Variants in ATP9B observed in about 807,000 individuals in gnomAD.
ATP9B encodes the protein probable phospholipid-transporting ATPase IIB.
Under a neutral mutation model 146.1 loss-of-function variants are expected in ATP9B, and 110 were observed. The observed-to-expected ratio is 0.75, with a 90% CI of 0.65 to 0.88. ATP9B has a LOEUF of 0.88. Among genes scored for constraint, ATP9B ranks in the 40% least tolerant of loss-of-function variants. The pLI is 0.00. For synonymous variants in ATP9B, 604 were observed against 569.7 expected, an observed-to-expected ratio of 1.06 and a Z score of -0.86; for missense variants, 1,499 against 1,496.4, an observed-to-expected ratio of 1.00 and a Z score of -0.03.
intron 11 of ATP9B, among the ~76,000 whole-genome samples, chr18:79,248,717 AAAT>A (rs2095993444): frequency 6.6e-6 from 1 of 152,250 alleles, no homozygotes; most frequent in Non-Finnish European, 1.5e-5. Flanking sequence ...GGACAAACTA[AAAT>A]AATTTAGTTT....
intron 11 of ATP9B, among the ~76,000 whole-genome samples, chr18:79,225,597 G>T (rs530164080): frequency 6.6e-6 from 1 of 152,046 alleles, no homozygotes; most frequent in South Asian, 2.1e-4. Context: ...GGGTCCCGCA[G>T]TCGCAGGGCG....
chr18:79,213,247 T>C (rs1568418161), intron 10 of ATP9B, among the ~76,000 whole-genome samples: 1 of 152,148 alleles, frequency 6.6e-6, no homozygotes, highest in Non-Finnish European at 1.5e-5. Flanking sequence ...ATAAATTATA[T>C]ATGGCTGTAG....
chr18:79,134,298 T>TA (rs956480705), intron 5 of ATP9B, among the ~76,000 whole-genome samples: 1 of 152,206 alleles, frequency 6.6e-6, no homozygotes, highest in Non-Finnish European at 1.5e-5. Context: ...AAGATTATCT[T>TA]AGAGAGTTCT....
intron 4 of ATP9B, among the ~76,000 whole-genome samples, chr18:79,124,745 G>A (rs982662739): frequency 6.6e-6 from 1 of 152,156 alleles, no homozygotes; most frequent in Admixed American, 6.5e-5. Flanking sequence ...TATTTCATTG[G>A]GAGAGCTGGG....
At chr18:79,216,368 G>A (rs917773546) in intron 11 of ATP9B, among the ~76,000 whole-genome samples, 3 of 152,146 alleles carry the variant, frequency 2.0e-5, no homozygotes, top group South Asian at 2.1e-4. Context: ...GTGCACACTC[G>A]TGTGTCCCTC....
At chr18:79,260,955 C>T (rs1039244969) in intron 12 of ATP9B, among the ~76,000 whole-genome samples, 1 of 152,144 alleles carries the variant, frequency 6.6e-6, no homozygotes, top group Non-Finnish European at 1.5e-5. Context: ...ATCCTTGTCC[C>T]ACCACTGTAT....
At chr18:79,133,374 C>T (rs1365952041) in intron 5 of ATP9B, among the ~76,000 whole-genome samples, 1 of 152,140 alleles carries the variant, frequency 6.6e-6, no homozygotes, top group Non-Finnish European at 1.5e-5. Flanking sequence ...ACCACAGTTA[C>T]TTTTGCACCA....
chr18:79,256,592 C>G (rs2096083557), intron 12 of ATP9B, among the ~76,000 whole-genome samples: 1 of 150,426 alleles, frequency 6.6e-6, no homozygotes, highest in Admixed American at 6.6e-5. Flanking sequence ...TTGTGGTTTC[C>G]TTAGAAATTT....
intron 13 of ATP9B, among the ~76,000 whole-genome samples, chr18:79,281,147 A>G (rs1357873665): frequency 2.0e-5 from 3 of 152,222 alleles, no homozygotes; most frequent in Non-Finnish European, 4.4e-5. Context: ...GTCCTGTCAG[A>G]CTTTTGAAAA....
intron 10 of ATP9B, among the ~76,000 whole-genome samples, chr18:79,211,205 T>C (rs1480562080): frequency 1.3e-5 from 2 of 152,234 alleles, no homozygotes; most frequent in African/African-American, 4.8e-5. Flanking sequence ...GAGTATATTT[T>C]TCTACAAAAT....
rs143156637 is a variant in ATP9B at position 79,291,145 on chromosome 18, C to T, written c.1412-12459C>T. Among the ~76,000 whole-genome samples the T allele has an allele frequency of 1.5e-4, 23 of 152,170 alleles. No homozygotes were observed. The South Asian group carries it at 1.7e-3, about 11-fold the overall frequency. ...CTTTGTTCATTATAGTCCCAAAAAA[C>T]TCTTTTTCATTAAAGAGCTGCAGCT... is the stretch of plus-strand genomic sequence containing the variant. On this transcript the variant is annotated intron_variant, in intron 13 of 29. Coordinates refer to ENST00000426216, the MANE Select transcript of ATP9B (RefSeq NM_198531.5).
rs2097108735 is a variant in ATP9B at position 79,377,433 on chromosome 18, A to G, written c.*50A>G. 1 of 1,592,062 alleles carries G rather than the reference A, an allele frequency of 6.3e-7. No individual in the cohort carries two copies. The highest frequency in any genetic ancestry group is 8.5e-7 in the Non-Finnish European group (1 of 1,173,988). ...GGCCCCAGCACCTTCTGCCCTTCCC[A>G]GCACCTTGTGCCCTTGCCAGTGAAC... On this transcript the variant is annotated 3_prime_UTR_variant, in exon 30 of 30. Transcript: ENST00000426216.
chr18:79,212,369 A>G (rs564873986), intron 10 of ATP9B, among the ~76,000 whole-genome samples: 1 of 152,336 alleles, frequency 6.6e-6, no homozygotes, highest in East Asian at 1.9e-4. Flanking sequence ...TATGTATCAC[A>G]TTGAATTGAG....
intron 8 of ATP9B, among the ~76,000 whole-genome samples, chr18:79,192,765 G>A (rs1034817112): frequency 6.6e-6 from 1 of 152,186 alleles, no homozygotes; most frequent in Non-Finnish European, 1.5e-5. Flanking sequence ...TTGAATGAAA[G>A]CATGTAAACA....
chr18:79,164,004 G>A lies in ATP9B; in HGVS notation c.778+9449G>A, dbSNP rs182693130. Among the ~76,000 whole-genome samples, 102 of 151,860 alleles carry A rather than the reference G, an allele frequency of 6.7e-4. 1 individual carries two copies. The East Asian group carries it at 0.012, about 18-fold the overall frequency. ...CTTAATCATAGCTCACTGCAGTCTC[G>A]AACTCCTGGGCTCAAGTGATCCTTC... On this transcript the variant is annotated intron_variant, in intron 7 of 29. Coordinates refer to ENST00000426216, the MANE Select transcript of ATP9B (RefSeq NM_198531.5).
chr18:79,176,775 A>G, intron 7 of ATP9B, 38 bp from the exon 8 acceptor site: 1 of 1,569,226 alleles, frequency 6.4e-7, no homozygotes, highest in Non-Finnish European at 8.8e-7. Flanking sequence ...CTTCTGTAAC[A>G]ATTCAAGAGT....
intron 15 of ATP9B, among the ~76,000 whole-genome samples, chr18:79,327,720 C>T (rs76165875): frequency 4.8e-4 from 47 of 97,546 alleles, no homozygotes; most frequent in African/African-American, 1.4e-3. Flanking sequence ...CCATGGTTAG[C>T]GTGCTCGCCG....
intron 15 of ATP9B, among the ~76,000 whole-genome samples, chr18:79,314,826 C>T (rs1454004901): frequency 2.6e-5 from 4 of 152,164 alleles, no homozygotes; most frequent in Non-Finnish European, 4.4e-5. Flanking sequence ...CCAGTGCAGT[C>T]GCAGGACACC....
At chr18:79,300,800 G>T (rs545120713) in intron 13 of ATP9B, among the ~76,000 whole-genome samples, 7 of 152,324 alleles carry the variant, frequency 4.6e-5, no homozygotes, top group South Asian at 2.1e-4. Context: ...TTCGCTCTTG[G>T]TAGGAGCTAT....
Sources: gnomAD v4.1 joint callset for allele counts (sites outside exome capture counted in the v4.1 genomes callset) on GRCh38, gnomAD v4.1.1 for gene constraint, MANE v1.5 for transcripts, NCBI Gene and HGNC (gene_info 2026-07-23, HGNC 2026-07-21) for gene names.